Variants in PTPA observed in about 807,000 individuals in gnomAD.
PTPA encodes the protein serine/threonine-protein phosphatase 2A activator.
In PTPA, 13 loss-of-function variants were observed where a neutral mutation model predicts 43.6. That is an observed-to-expected ratio of 0.30 (90% CI 0.19 to 0.47). PTPA has a LOEUF of 0.47. Among genes scored for constraint, PTPA ranks in the 20% least tolerant of loss-of-function variants. PTPA has a pLI of 0.99. For synonymous variants in PTPA, 172 were observed against 158.2 expected (o/e 1.09, Z -0.66); for missense variants, 329 against 411.9 (o/e 0.80, Z 1.74).
At chr9:129,126,917 C>T (rs1334094411) in intron 3 of PTPA, among the ~76,000 whole-genome samples, 1 of 152,082 alleles carries the variant, frequency 6.6e-6, no homozygotes, top group Admixed American at 6.5e-5. Context: ...CTTCTCTGTC[C>T]CCTTCAGTGC....
At chr9:129,137,444 C>T (rs1215973226) in intron 7 of PTPA, 148 bp from the exon 8 acceptor site, 2 of 632,074 alleles carry the variant, frequency 3.2e-6, no homozygotes, top group Non-Finnish European at 5.7e-6. Context: ...ATACACAAAC[C>T]CAGAGTTACT....
At chr9:129,143,975 C>T (rs569930146) in intron 9 of PTPA, among the ~76,000 whole-genome samples, 1 of 151,768 alleles carries the variant, frequency 6.6e-6, no homozygotes, top group Non-Finnish European at 1.5e-5. Context: ...CTCCCAACCC[C>T]AACCCTTGTG....
intron 3 of PTPA, among the ~76,000 whole-genome samples, chr9:129,127,771 C>T (rs1457422382): frequency 6.6e-6 from 1 of 152,138 alleles, no homozygotes; most frequent in East Asian, 1.9e-4. Flanking sequence ...GCATTGCACA[C>T]GATGATCTGG....
In PTPA at chr9:129,140,329, C is replaced by G. The variant is rs188926733; in HGVS notation, c.787-2116C>G. On this transcript the variant is annotated intron_variant, in intron 8 of 9. Transcript: ENST00000393370. ...CCTTTTTCTCCCACTCGTCTGTTTT[C>G]CTTTGCCAGAGTTACAGGCAAAGGA... 2.6e-3 allele frequency among the ~76,000 whole-genome samples: 390 copies of G among 152,314 alleles called. 2 individuals are homozygous for G. The highest frequency in any genetic ancestry group is 0.014 in the Middle Eastern group (4 of 294).
At chr9:129,119,365 T>G (rs1050687393) in intron 1 of PTPA, 3 of 151,996 alleles carry the variant, frequency 2.0e-5, no homozygotes, top group Non-Finnish European at 4.4e-5. Flanking sequence ...CCGTGCTTAT[T>G]CAGGAGGTTG....
chr9:129,147,735 ACT>A lies in PTPA; in HGVS notation c.*277_*278del, dbSNP rs1477720811. 1.6e-5 allele frequency: 7 copies of A among 441,676 alleles called. No homozygotes were observed. The highest frequency in any genetic ancestry group is 1.1e-4 in the Admixed American group (3 of 27,570). 27.4% of individuals were successfully genotyped at this position (441,676 alleles called of 1,614,324 possible). A position where few individuals can be genotyped will look rare whatever the true frequency, so the allele number is the denominator to read the frequency against. On this transcript the variant is annotated 3_prime_UTR_variant, in exon 10 of 10. Coordinates refer to ENST00000393370, the MANE Select transcript of PTPA (RefSeq NM_178000.3). ...GGGTCTGGGGCCTGGTCACTCGGCC[ACT>A]CTCTCCTGTTTCTGGCCTCTTCTCC...
chr9:129,123,235 A>C (rs923981051), intron 3 of PTPA, 97 bp downstream of exon 3: 4 of 997,120 alleles, frequency 4.0e-6, no homozygotes, highest in Middle Eastern at 2.9e-4. Context: ...GCACCTTGGG[A>C]GGCCGAGGCA....
At chr9:129,132,201 G>A (rs748209437) in intron 5 of PTPA, among the ~76,000 whole-genome samples, 3 of 152,168 alleles carry the variant, frequency 2.0e-5, no homozygotes, top group Non-Finnish European at 2.9e-5. Flanking sequence ...GCAGTGGTGC[G>A]TGCCTGTAAT....
intron 8 of PTPA, among the ~76,000 whole-genome samples, chr9:129,138,498 G>C (rs1316776193): frequency 2.6e-5 from 4 of 152,170 alleles, no homozygotes; most frequent in Admixed American, 6.5e-5. Flanking sequence ...GGAGGTGTTA[G>C]GACTTCTCAT....
In PTPA at chr9:129,142,561, G is replaced by A; in HGVS notation, c.894+9G>A. On this transcript the variant is annotated intron_variant, in intron 9 of 9. Coordinates refer to ENST00000393370, the MANE Select transcript of PTPA (RefSeq NM_178000.3). ...GCATGTATAAGGCCGAGGTGAGTGGGGGCTGGCCAGTGTGCCCGTCCCTGC... is the reference window on the plus strand; with the variant it reads ...GCATGTATAAGGCCGAGGTGAGTGGAGGCTGGCCAGTGTGCCCGTCCCTGC... The A allele has an allele frequency of 1.9e-6, 3 of 1,614,062 alleles. No homozygotes were observed. Among genetic ancestry groups the A allele is most frequent in the Non-Finnish European group, 1.7e-6 (2 of 1,179,972 alleles).
At chr9:129,131,493 C>T (rs1849965244) in intron 4 of PTPA, 29 bp from the exon 5 acceptor site, 5 of 1,601,630 alleles carry the variant, frequency 3.1e-6, no homozygotes, top group Non-Finnish European at 4.3e-6. Context: ...TAATATGCTG[C>T]CACCACTTTG....
chr9:129,136,205 GA>G (rs1413767597), intron 6 of PTPA, among the ~76,000 whole-genome samples: 5 of 152,170 alleles, frequency 3.3e-5, no homozygotes, highest in African/African-American at 9.7e-5. Flanking sequence ...CTGACCTTGT[GA>G]TCCGCCTGCC....
At chr9:129,145,279 C>T (rs561876799) in intron 9 of PTPA, among the ~76,000 whole-genome samples, 6 of 140,070 alleles carry the variant, frequency 4.3e-5, no homozygotes, top group South Asian at 2.3e-4. Context: ...TGCAGTGAGC[C>T]GAGATCATGC....
intron 9 of PTPA, among the ~76,000 whole-genome samples, chr9:129,145,720 G>C (rs1392566861): frequency 6.6e-6 from 1 of 152,130 alleles, no homozygotes; most frequent in Admixed American, 6.5e-5. Context: ...GTGTGGTTGC[G>C]GGGCGGCGGG....
rs893896998 is a variant in PTPA, at chr9:129,111,513, G to A, written c.-88G>A. On this transcript the variant is annotated 5_prime_UTR_variant, in exon 1 of 10. Transcript: ENST00000393370. ...TGTCTTCAGGAAGCTCGGAGCCTTT[G>A]GTGGAGCCGGGGAGAGGAAGGGTGG... 1.0e-5 allele frequency: 13 copies of A among 1,272,864 alleles called. No homozygotes were observed. The highest frequency in any genetic ancestry group is 1.2e-5 in the Non-Finnish European group (12 of 1,001,332). The allele number at this position is 1,272,864 out of a possible 1,614,324, so 78.8% of individuals were successfully genotyped here. A position where few individuals can be genotyped will look rare whatever the true frequency, so the allele number is the denominator to read the frequency against.
chr9:129,126,075 G>A (rs1390338963), intron 3 of PTPA, among the ~76,000 whole-genome samples: 1 of 152,100 alleles, frequency 6.6e-6, no homozygotes, highest in African/African-American at 2.4e-5. Context: ...TTGAAACCCG[G>A]GAGGCGGAGG....
chr9:129,121,578 G>T (rs1849253452), intron 2 of PTPA, among the ~76,000 whole-genome samples: 1 of 152,168 alleles, frequency 6.6e-6, no homozygotes. Context: ...CAGCACTATG[G>T]ACATTGAGGG....
intron 9 of PTPA, among the ~76,000 whole-genome samples, chr9:129,144,108 A>G (rs906500278): frequency 2.0e-5 from 3 of 151,810 alleles, no homozygotes; most frequent in African/African-American, 7.3e-5. Context: ...CCCAAAGGAT[A>G]GGGCAAGAGA....
intron 5 of PTPA, 95 bp from the exon 6 acceptor site, chr9:129,134,700 A>C: frequency 1.0e-6 from 1 of 973,062 alleles, no homozygotes; most frequent in Non-Finnish European, 1.6e-6. Context: ...CCCTCCTCAG[A>C]GGGGCACTTA....
Sources: gnomAD v4.1 joint callset for allele counts (sites outside exome capture counted in the v4.1 genomes callset) on GRCh38, gnomAD v4.1.1 for gene constraint, MANE v1.5 for transcripts, NCBI Gene and HGNC (gene_info 2026-07-23, HGNC 2026-07-21) for gene names.